Variants in SCHIP1 observed in about 807,000 individuals in gnomAD.
The protein encoded by SCHIP1 is schwannomin-interacting protein 1.
A neutral mutation model predicts 29.7 loss-of-function variants in SCHIP1; 8 were observed. The ratio of observed to expected loss-of-function variants is 0.27; its 90% CI spans 0.16 to 0.49. The LOEUF (loss-of-function observed/expected upper bound fraction) is 0.49, where lower values mean the gene tolerates loss of function less well. Ranked by LOEUF, SCHIP1 falls within the 20% of genes least tolerant of loss-of-function variation. The pLI is 0.99. For missense variants in SCHIP1, 193 were observed against 294.6 expected (o/e 0.66, Z 2.52); for synonymous variants, 76 against 94.9 (o/e 0.80, Z 1.16).
chr3:159,298,372 G>C, the SCHIP1 span, among the ~76,000 whole-genome samples: 1 of 152,082 alleles, frequency 6.6e-6, no homozygotes, highest in Non-Finnish European at 1.5e-5. Flanking sequence ...ACCTAGAATT[G>C]TTATTAATTG....
chr3:159,376,650 A>G, the SCHIP1 span, among the ~76,000 whole-genome samples: 2 of 152,124 alleles, frequency 1.3e-5, no homozygotes, highest in Non-Finnish European at 2.9e-5. Context: ...ATTCTCTTTC[A>G]TCACATCTGC....
At chr3:159,860,745 T>C (rs573730170) in intron 1 of SCHIP1, among the ~76,000 whole-genome samples, 45 of 152,190 alleles carry the variant, frequency 3.0e-4, no homozygotes, top group Admixed American at 1.4e-3. Context: ...CACAACTGAA[T>C]CTTGTCCAGG....
the SCHIP1 span, among the ~76,000 whole-genome samples, chr3:159,287,343 T>C: frequency 6.6e-6 from 1 of 151,720 alleles, no homozygotes; most frequent in East Asian, 1.9e-4. Context: ...ACAAAAAATC[T>C]TTATATACTT....
At chr3:159,639,031 T>C in the SCHIP1 span, among the ~76,000 whole-genome samples, 1 of 152,154 alleles carries the variant, frequency 6.6e-6, no homozygotes, top group Non-Finnish European at 1.5e-5. Flanking sequence ...TCTTCTTTAA[T>C]CTTTTGTAAT....
the SCHIP1 span, among the ~76,000 whole-genome samples, chr3:159,398,214 C>T: frequency 8.5e-5 from 13 of 152,276 alleles, no homozygotes; most frequent in South Asian, 1.7e-3. Context: ...CACTGACCTA[C>T]GCCCACTGTC....
At chr3:159,886,456 C>A (rs1716972757) in intron 3 of SCHIP1, 132 bp downstream of exon 4, 1 of 746,736 alleles carries the variant, frequency 1.3e-6, no homozygotes, top group South Asian at 2.0e-5. Flanking sequence ...GAATTGCATG[C>A]TCCTAAAATT....
chr3:159,464,669 G>A, the SCHIP1 span, among the ~76,000 whole-genome samples: 3 of 152,160 alleles, frequency 2.0e-5, no homozygotes, highest in South Asian at 4.2e-4. Context: ...TTATGCCAGG[G>A]CCACGTTAAC....
the SCHIP1 span, among the ~76,000 whole-genome samples, chr3:159,678,048 T>G: frequency 6.6e-6 from 1 of 152,232 alleles, no homozygotes; most frequent in Non-Finnish European, 1.5e-5. Flanking sequence ...TGTCCATTAT[T>G]CTAGTTATTT....
the SCHIP1 span, among the ~76,000 whole-genome samples, chr3:159,611,628 A>T: frequency 6.6e-6 from 1 of 152,160 alleles, no homozygotes; most frequent in Non-Finnish European, 1.5e-5. Flanking sequence ...GGAACCCACC[A>T]TGGCACATAT....
At chr3:159,428,514 T>C in the SCHIP1 span, among the ~76,000 whole-genome samples, 1 of 152,266 alleles carries the variant, frequency 6.6e-6, no homozygotes, top group South Asian at 2.1e-4. Flanking sequence ...TCACACCAGT[T>C]AGAATGGCAA....
the SCHIP1 span, among the ~76,000 whole-genome samples, chr3:159,352,166 G>A: frequency 6.6e-6 from 1 of 152,136 alleles, no homozygotes; most frequent in African/African-American, 2.4e-5. Flanking sequence ...CAGGCATCAC[G>A]ATGATCACAC....
chr3:159,308,141 T>C, the SCHIP1 span, among the ~76,000 whole-genome samples: 1 of 152,296 alleles, frequency 6.6e-6, no homozygotes, highest in East Asian at 1.9e-4. Flanking sequence ...AGGAATAGCA[T>C]TGAATCTGTA....
chr3:159,568,430 T>G, the SCHIP1 span, among the ~76,000 whole-genome samples: 1 of 152,144 alleles, frequency 6.6e-6, no homozygotes, highest in South Asian at 2.1e-4. Context: ...TCAATATATT[T>G]CACAAACTTA....
the SCHIP1 span, among the ~76,000 whole-genome samples, chr3:159,369,150 T>C: frequency 6.6e-6 from 1 of 152,230 alleles, no homozygotes. Flanking sequence ...TCAAAAATTG[T>C]ATGATATCAA....
the SCHIP1 span, among the ~76,000 whole-genome samples, chr3:159,417,340 C>T: frequency 6.6e-6 from 1 of 152,128 alleles, no homozygotes; most frequent in African/African-American, 2.4e-5. Flanking sequence ...AAGAGTCACG[C>T]AATCACTCGG....
the SCHIP1 span, among the ~76,000 whole-genome samples, chr3:159,407,767 A>G: frequency 6.6e-6 from 1 of 152,236 alleles, no homozygotes; most frequent in African/African-American, 2.4e-5. Context: ...AAATCAAACA[A>G]TATACTCCTG....
chr3:159,813,366 G>A, the SCHIP1 span, among the ~76,000 whole-genome samples: 1 of 152,110 alleles, frequency 6.6e-6, no homozygotes, highest in African/African-American at 2.4e-5. Flanking sequence ...GTTTGTAATT[G>A]TATACGTCCA....
chr3:159,337,981 C>T, the SCHIP1 span, among the ~76,000 whole-genome samples: 1 of 152,160 alleles, frequency 6.6e-6, no homozygotes, highest in Non-Finnish European at 1.5e-5. Flanking sequence ...CTTTCCATGT[C>T]CTTCAATCTT....
At chr3:159,339,916 A>G in the SCHIP1 span, among the ~76,000 whole-genome samples, 2 of 152,152 alleles carry the variant, frequency 1.3e-5, no homozygotes. Context: ...CAAAACGTCT[A>G]AGATATAAAA....
Sources: gnomAD v4.1 joint callset for allele counts (sites outside exome capture counted in the v4.1 genomes callset) on GRCh38, gnomAD v4.1.1 for gene constraint, MANE v1.5 for transcripts, NCBI Gene and HGNC (gene_info 2026-07-23, HGNC 2026-07-21) for gene names.